The following DNAJC3 variants were observed in gnomAD, a reference collection of about 807,000 sequenced individuals.
DNAJC3 encodes the protein dnaJ homolog subfamily C member 3.
Under a neutral mutation model 68.6 loss-of-function variants are expected in DNAJC3, and 38 were observed. That is an observed-to-expected ratio of 0.55 (90% CI 0.43 to 0.73). The LOEUF is 0.73. Ranked by LOEUF, DNAJC3 falls within the 30% of genes least tolerant of loss-of-function variation. The probability of loss-of-function intolerance (pLI) is 0.00; values close to 1 mark genes in which losing one functional copy is unlikely to be tolerated. For missense variants in DNAJC3, 526 were observed against 591.9 expected, an observed-to-expected ratio of 0.89 and a Z score of 1.16; for synonymous variants, 203 against 204.0, an observed-to-expected ratio of 1.00 and a Z score of 0.04.
At chr13:95,684,234 C>A (rs914126623) in intron 1 of DNAJC3, among the ~76,000 whole-genome samples, 1 of 152,020 alleles carries the variant, frequency 6.6e-6, no homozygotes, top group Non-Finnish European at 1.5e-5. Context: ...TCAGAATGAC[C>A]GCAGATGAGG....
intron 4 of DNAJC3, among the ~76,000 whole-genome samples, chr13:95,743,560 TATTG>T (rs1234456938): frequency 1.3e-5 from 2 of 152,150 alleles, no homozygotes; most frequent in East Asian, 1.9e-4. Flanking sequence ...GCCTCCTGCT[TATTG>T]ATTGATTGAT....
intron 2 of DNAJC3, among the ~76,000 whole-genome samples, chr13:95,714,284 A>T (rs1881066095): frequency 6.6e-6 from 1 of 152,072 alleles, no homozygotes; most frequent in Non-Finnish European, 1.5e-5. Context: ...GTATATAATC[A>T]CTCAGGAGGC....
At chr13:95,741,460 A>T (rs1882141797) in intron 4 of DNAJC3, among the ~76,000 whole-genome samples, 1 of 152,212 alleles carries the variant, frequency 6.6e-6, no homozygotes, top group African/African-American at 2.4e-5. Context: ...GGGCAATAAC[A>T]GGCCAAACAT....
chr13:95,757,796 G>A lies in DNAJC3; in HGVS notation c.546G>A (p.Glu182=). ...AAIAFLDKIL[E]VCVWDAELRE... The stretch of plus-strand genomic sequence containing the variant: ...TAGCCTTCCTTGATAAGATTTTAGA[G>A]GTAAGTTTCTTAGATACTGCAGTTG... Residue 182 remains glutamate, a splice_region_variant and synonymous_variant, in exon 5 of 12, where the codon GAG becomes GAA. Coordinates refer to ENST00000602402, the MANE Select transcript of DNAJC3 (RefSeq NM_006260.5). 1 of 1,535,110 alleles carries A rather than the reference G, an allele frequency of 6.5e-7. No individual in the cohort carries two copies. The highest frequency in any genetic ancestry group is 8.9e-7 in the Non-Finnish European group (1 of 1,123,576).
At chr13:95,780,861 A>G (rs1006962863) in intron 9 of DNAJC3, among the ~76,000 whole-genome samples, 73 of 152,204 alleles carry the variant, frequency 4.8e-4, no homozygotes, top group African/African-American at 1.7e-3. Flanking sequence ...AGTGCTAACT[A>G]TGGAAATGCT....
intron 1 of DNAJC3, among the ~76,000 whole-genome samples, chr13:95,706,515 T>C (rs1377129576): frequency 1.3e-5 from 2 of 152,230 alleles, no homozygotes; most frequent in African/African-American, 4.8e-5. Flanking sequence ...AGTATATACC[T>C]GTTCTTCTGG....
At chr13:95,697,163 C>T (rs1042377132) in intron 1 of DNAJC3, among the ~76,000 whole-genome samples, 2 of 152,176 alleles carry the variant, frequency 1.3e-5, no homozygotes, top group Non-Finnish European at 2.9e-5. Context: ...AAACATCATC[C>T]TTTTGTTTCC....
rs184076709 is a variant in DNAJC3, at chr13:95,694,104, C to T, written c.83-15123C>T. Reference sequence around the variant, plus strand: ...CCACAGAATCCTCATGAATCAACCCCGGACCCTCACCCTAAAAAATTATTC... The same window carrying T: ...CCACAGAATCCTCATGAATCAACCCTGGACCCTCACCCTAAAAAATTATTC... On this transcript the variant is annotated intron_variant, in intron 1 of 11. Transcript: ENST00000602402. The T allele has an allele frequency of 6.5e-3, 982 of 152,216 alleles. 20 individuals carry two copies. Among genetic ancestry groups the T allele is most frequent in the Non-Finnish European group, 4.5e-3 (303 of 68,008 alleles). The allele number at this position is 152,216 out of a possible 1,614,324, so 9.4% of individuals were successfully genotyped here.
At chr13:95,709,562 A>G (rs540749861) in intron 2 of DNAJC3, among the ~76,000 whole-genome samples, 2 of 152,146 alleles carry the variant, frequency 1.3e-5, no homozygotes, top group South Asian at 2.1e-4. Context: ...GAGGCCTGCT[A>G]CTACCAAGGA....
chr13:95,726,481 A>G (rs1217568435), intron 4 of DNAJC3, among the ~76,000 whole-genome samples: 1 of 152,106 alleles, frequency 6.6e-6, no homozygotes, highest in Non-Finnish European at 1.5e-5. Context: ...TTCTTTTGAG[A>G]AGTGTCTGTT....
intron 9 of DNAJC3, among the ~76,000 whole-genome samples, chr13:95,771,583 G>T (rs775249620): frequency 6.6e-6 from 1 of 152,090 alleles, no homozygotes; most frequent in South Asian, 2.1e-4. Context: ...GTGGGGAGGG[G>T]TTTCCCTAAA....
intron 4 of DNAJC3, among the ~76,000 whole-genome samples, chr13:95,734,975 C>A (rs1454053180): frequency 2.3e-5 from 3 of 130,838 alleles, no homozygotes; most frequent in Non-Finnish European, 3.2e-5. Flanking sequence ...CCCCCTCCCC[C>A]CCACCCCACA....
chr13:95,681,281 C>T (rs759448581), intron 1 of DNAJC3, among the ~76,000 whole-genome samples: 3 of 152,162 alleles, frequency 2.0e-5, no homozygotes, highest in Non-Finnish European at 4.4e-5. Context: ...TGTTTTTATA[C>T]CTTATAGGTA....
chr13:95,759,383 C>G (rs771617663), intron 5 of DNAJC3, among the ~76,000 whole-genome samples: 12 of 152,168 alleles, frequency 7.9e-5, no homozygotes, highest in Non-Finnish European at 1.8e-4. Flanking sequence ...GCGATTGTAG[C>G]TCACTGTAAC....
chr13:95,754,048 C>T (rs529868585), intron 4 of DNAJC3, among the ~76,000 whole-genome samples: 15 of 152,298 alleles, frequency 9.8e-5, no homozygotes, highest in African/African-American at 3.1e-4. Flanking sequence ...CATTATCCAA[C>T]GTTAGCAGCT....
intron 4 of DNAJC3, among the ~76,000 whole-genome samples, chr13:95,741,047 G>T (rs1020089442): frequency 6.6e-6 from 1 of 151,914 alleles, no homozygotes; most frequent in Non-Finnish European, 1.5e-5. Flanking sequence ...CATTTTTCTG[G>T]TATTTCACAA....
intron 9 of DNAJC3, among the ~76,000 whole-genome samples, chr13:95,768,472 A>T (rs913823643): frequency 1.4e-4 from 22 of 152,196 alleles, no homozygotes; most frequent in African/African-American, 5.1e-4. Flanking sequence ...GTTACTAGTA[A>T]TATCAATAAT....
rs575812442 is a variant in DNAJC3 at position 95,786,033 on chromosome 13, G to C, written c.1170G>C (p.Ser390=). Residue 390 remains serine, a synonymous_variant, in exon 10 of 12, where the codon TCG becomes TCC. Coordinates refer to ENST00000602402, the MANE Select transcript of DNAJC3 (RefSeq NM_006260.5). The part of the protein sequence containing the change: ...LEKAQRLLKQ[S]QKRDYYKILG... ...AAGCACAAAGATTATTGAAACAGTC[G>C]CAGAAACGAGATTATTATAAAATCT... The C allele has an allele frequency of 6.2e-7, 1 of 1,608,402 alleles. No homozygotes were observed. The highest frequency in any genetic ancestry group is 1.1e-5 in the South Asian group (1 of 89,260).
chr13:95,698,704 A>G (rs1880513448), intron 1 of DNAJC3, among the ~76,000 whole-genome samples: 1 of 152,186 alleles, frequency 6.6e-6, no homozygotes. Flanking sequence ...CAGAGTCTTG[A>G]TGGATGAGTA....
Sources: allele counts gnomAD v4.1 joint callset (sites outside exome capture counted in the v4.1 genomes callset), GRCh38; gene constraint gnomAD v4.1.1; transcripts MANE v1.5; gene names NCBI Gene and HGNC (gene_info 2026-07-23, HGNC 2026-07-21).